Variants in GALNTL6 observed in about 807,000 individuals in gnomAD.
GALNTL6 encodes polypeptide N-acetylgalactosaminyltransferase-like 6.
GALNTL6 carries 46 observed loss-of-function variants against 73.7 expected under a neutral mutation model. The ratio of observed to expected loss-of-function variants is 0.62; its 90% CI spans 0.49 to 0.80. GALNTL6 has a LOEUF of 0.80. GALNTL6 is among the 30% of genes least tolerant of loss of function. The pLI is 0.00. For synonymous variants in GALNTL6, 259 were observed against 263.7 expected (o/e 0.98, Z 0.17); for missense variants, 604 against 755.0 (o/e 0.80, Z 2.34).
intron 5 of GALNTL6, among the ~76,000 whole-genome samples, chr4:172,605,074 C>T (rs1428536276): frequency 2.6e-5 from 4 of 152,120 alleles, no homozygotes; most frequent in East Asian, 1.9e-4. Context: ...GAAGATACCA[C>T]GGACGAATTG....
intron 4 of GALNTL6, among the ~76,000 whole-genome samples, chr4:172,334,833 C>G (rs1357635683): frequency 4.6e-5 from 7 of 152,026 alleles, no homozygotes; most frequent in Admixed American, 4.6e-4. Flanking sequence ...TAGCTTTTGC[C>G]CATTCAGTAG....
intron 5 of GALNTL6, among the ~76,000 whole-genome samples, chr4:172,552,794 C>A (rs1385613928): frequency 7.6e-6 from 1 of 132,150 alleles, no homozygotes; most frequent in Admixed American, 7.9e-5. Context: ...CTAATATCAA[C>A]GGAGAATATC....
At chr4:172,421,057 G>A (rs1731040518) in intron 5 of GALNTL6, among the ~76,000 whole-genome samples, 1 of 151,958 alleles carries the variant, frequency 6.6e-6, no homozygotes. Context: ...AATGCACACT[G>A]GACTTAAAAC....
intron 5 of GALNTL6, among the ~76,000 whole-genome samples, chr4:172,368,245 G>A (rs1742641962): frequency 6.6e-6 from 1 of 152,056 alleles, no homozygotes; most frequent in South Asian, 2.1e-4. Context: ...GCGAGGTGTG[G>A]TGGTGTGTGC....
intron 5 of GALNTL6, among the ~76,000 whole-genome samples, chr4:172,554,308 A>G (rs1350832957): frequency 1.3e-5 from 2 of 152,192 alleles, no homozygotes; most frequent in Admixed American, 1.3e-4. Context: ...TAAGGGTGCA[A>G]ATTAGTTTTG....
intron 2 of GALNTL6, among the ~76,000 whole-genome samples, chr4:171,846,607 T>C (rs2110852963): frequency 6.6e-6 from 1 of 152,082 alleles, no homozygotes; most frequent in African/African-American, 2.4e-5. Flanking sequence ...GAAAATAAAA[T>C]CTACCAATAC....
intron 8 of GALNTL6, among the ~76,000 whole-genome samples, chr4:172,913,829 T>C (rs530711186): frequency 5.1e-4 from 78 of 152,282 alleles, no homozygotes; most frequent in African/African-American, 1.5e-3. Context: ...CAGGATATTA[T>C]TCAGGAGAAA....
intron 2 of GALNTL6, among the ~76,000 whole-genome samples, chr4:172,005,104 CTTTTATTTTA>C (rs71592040): frequency 4.3e-4 from 65 of 149,922 alleles, no homozygotes; most frequent in Non-Finnish European, 4.9e-4. Context: ...TCTTAAAAAG[CTTTTATTTTA>C]TTTTATTTTA....
At chr4:172,487,312 TTC>T (rs1203247751) in intron 5 of GALNTL6, among the ~76,000 whole-genome samples, 4 of 115,524 alleles carry the variant, frequency 3.5e-5, no homozygotes, top group Admixed American at 8.6e-5. Context: ...CTTTCTTTCT[TTC>T]TTTCTTTCTT....
intron 2 of GALNTL6, among the ~76,000 whole-genome samples, chr4:172,164,345 G>C (rs1399516897): frequency 1.3e-5 from 2 of 151,712 alleles, no homozygotes; most frequent in Non-Finnish European, 2.9e-5. Context: ...ATATTTATAG[G>C]ACTAAATCTC....
chr4:172,833,549 C>G (rs180831376), intron 7 of GALNTL6, among the ~76,000 whole-genome samples: 44 of 152,264 alleles, frequency 2.9e-4, no homozygotes, highest in Admixed American at 2.5e-3. Context: ...TTTCCAAAAC[C>G]TTCATTCCCT....
chr4:172,185,694 T>C (rs929387715), intron 2 of GALNTL6, among the ~76,000 whole-genome samples: 2 of 152,202 alleles, frequency 1.3e-5, no homozygotes, highest in Non-Finnish European at 2.9e-5. Flanking sequence ...ATTTCACAAT[T>C]TTAGTATGTT....
intron 7 of GALNTL6, among the ~76,000 whole-genome samples, chr4:172,875,313 G>A (rs757712617): frequency 2.3e-4 from 35 of 152,100 alleles, no homozygotes; most frequent in Non-Finnish European, 2.9e-4. Context: ...TGAATCTAAG[G>A]CCGCTTAGAA....
intron 2 of GALNTL6, among the ~76,000 whole-genome samples, chr4:172,100,840 C>T (rs1231261155): frequency 6.6e-6 from 1 of 152,078 alleles, no homozygotes; most frequent in Non-Finnish European, 1.5e-5. Context: ...AAGACTCCAT[C>T]CTCTTTTTCT....
intron 7 of GALNTL6, among the ~76,000 whole-genome samples, chr4:172,827,676 T>C (rs181014333): frequency 7.9e-4 from 120 of 152,214 alleles, no homozygotes; most frequent in African/African-American, 2.8e-3. Context: ...AAGCTCTGTT[T>C]CTTCGATACT....
At chr4:172,142,675 A>G (rs1285466369) in intron 2 of GALNTL6, among the ~76,000 whole-genome samples, 1 of 151,994 alleles carries the variant, frequency 6.6e-6, no homozygotes, top group South Asian at 2.1e-4. Flanking sequence ...ACTCATACCA[A>G]TGAGTAATAC....
At chr4:171,963,322 G>A (rs867877798) in intron 2 of GALNTL6, among the ~76,000 whole-genome samples, 1 of 152,012 alleles carries the variant, frequency 6.6e-6, no homozygotes, top group Non-Finnish European at 1.5e-5. Flanking sequence ...TCAATGCAAT[G>A]TAAGTTTACA....
intron 5 of GALNTL6, among the ~76,000 whole-genome samples, chr4:172,714,373 A>G (rs1278991770): frequency 6.6e-6 from 1 of 152,016 alleles, no homozygotes; most frequent in Non-Finnish European, 1.5e-5. Flanking sequence ...TCTGTTACTT[A>G]ACTATTGGCT....
chr4:172,331,661 T>C (rs1341462916), intron 4 of GALNTL6, among the ~76,000 whole-genome samples: 1 of 152,232 alleles, frequency 6.6e-6, no homozygotes, highest in Non-Finnish European at 1.5e-5. Context: ...CTTATTTAAC[T>C]TGGCATAATA....
Sources: gnomAD v4.1 joint callset for allele counts (sites outside exome capture counted in the v4.1 genomes callset) on GRCh38, gnomAD v4.1.1 for gene constraint, MANE v1.5 for transcripts, NCBI Gene and HGNC (gene_info 2026-07-23, HGNC 2026-07-21) for gene names.